CLIP1: variants seen among roughly 807,000 people sequenced by gnomAD.
CLIP1 encodes CAP-Gly domain containing linker protein 1.
A neutral mutation model predicts 161.6 loss-of-function variants in CLIP1; 66 were observed. The observed-to-expected ratio is 0.41, with a 90% CI of 0.33 to 0.50. CLIP1 has a LOEUF of 0.50. Ranked by LOEUF, CLIP1 falls within the 20% of genes least tolerant of loss-of-function variation. The pLI is 0.27. For synonymous variants in CLIP1, 598 were observed against 626.2 expected (o/e 0.96, Z 0.67); for missense variants, 1,376 against 1,702.0 (o/e 0.81, Z 3.37).
chr12:122,388,457 G>T (rs1213612941), intron 1 of CLIP1, among the ~76,000 whole-genome samples: 2 of 152,176 alleles, frequency 1.3e-5, no homozygotes, highest in African/African-American at 4.8e-5. Flanking sequence ...CTGACCTCAT[G>T]ATCTGCCTGC....
At chr12:122,376,505 C>T (rs1954740795) in intron 3 of CLIP1, among the ~76,000 whole-genome samples, 1 of 151,996 alleles carries the variant, frequency 6.6e-6, no homozygotes, top group Admixed American at 6.6e-5. Flanking sequence ...CTCGCTCTGT[C>T]TCCTAGGCTG....
Position 122,279,896 on chromosome 12 carries a change from C to T in CLIP1, c.3648-751G>A, listed in dbSNP as rs1483909085. The T allele has an allele frequency of 6.6e-6, 1 of 152,094 alleles. No homozygotes were observed. The highest frequency in any genetic ancestry group is 1.5e-5 in the Non-Finnish European group (1 of 68,056). The allele number at this position is 152,094 out of a possible 1,614,324, so 9.4% of individuals were successfully genotyped here. A position where few individuals can be genotyped will look rare whatever the true frequency, so the allele number is the denominator to read the frequency against. ...CGCCTGGTTTATGTTCTCGGCCTGA[C>T]TCAGCACTTGGTTATCAGCAGAGGG... On this transcript the variant is annotated intron_variant, in intron 21 of 25. Transcript: ENST00000620786. This position sits in a 1 kb window ranked among gnomAD's most constrained non-coding sequence, Gnocchi z 4.5.
chr12:122,410,679 G>A (rs534088194), intron 1 of CLIP1, among the ~76,000 whole-genome samples: 9 of 151,922 alleles, frequency 5.9e-5, no homozygotes, highest in East Asian at 1.9e-4. Context: ...GGCTGGTCTC[G>A]AACTCCTGAC....
intron 1 of CLIP1, among the ~76,000 whole-genome samples, chr12:122,393,365 T>C (rs1486850015): frequency 1.3e-5 from 2 of 151,298 alleles, no homozygotes; most frequent in African/African-American, 2.4e-5. Flanking sequence ...TTTCACCATA[T>C]TGGCCAGGAG....
At chr12:122,315,881 T>C (rs1188932562) in intron 19 of CLIP1, among the ~76,000 whole-genome samples, 1 of 151,938 alleles carries the variant, frequency 6.6e-6, no homozygotes, top group African/African-American at 2.4e-5. Context: ...GACTTCGTGC[T>C]CCACCCACCT....
intron 17 of CLIP1, among the ~76,000 whole-genome samples, chr12:122,325,722 C>G (rs1416574969): frequency 1.3e-5 from 2 of 152,168 alleles, no homozygotes; most frequent in East Asian, 3.8e-4. Context: ...GGCACCATCT[C>G]AGCTCACTGC....
chr12:122,302,890 C>T (rs1226286091), intron 20 of CLIP1, among the ~76,000 whole-genome samples: 1 of 152,120 alleles, frequency 6.6e-6, no homozygotes, highest in Non-Finnish European at 1.5e-5. Context: ...AGCCACCGTG[C>T]CCAGCCTAAA....
intron 1 of CLIP1, among the ~76,000 whole-genome samples, chr12:122,394,702 A>T (rs1955834473): frequency 6.6e-6 from 1 of 151,444 alleles, no homozygotes; most frequent in Non-Finnish European, 1.5e-5. Flanking sequence ...CCTGGCCAAC[A>T]TGGTGGAACC....
chr12:122,419,991 C>T (rs929579691), intron 1 of CLIP1, among the ~76,000 whole-genome samples: 1 of 148,426 alleles, frequency 6.7e-6, no homozygotes, highest in African/African-American at 2.5e-5. Flanking sequence ...CCTTATGAGT[C>T]ACATGGGATG....
Position 122,361,157 on chromosome 12 carries a change from A to G in CLIP1, c.807T>C (p.Tyr269=), listed in dbSNP as rs776238449. 5.6e-6 allele frequency: 9 copies of G among 1,613,800 alleles called. No homozygotes were observed. The South Asian group carries it at 7.7e-5, about 14-fold the overall frequency. The stretch of plus-strand genomic sequence containing the variant: ...CTTTGTGGACAGGAGCGAACAAGCC[A>G]TATTTGGGTTGACACTGAAAATACC... ...GTRYFQCQPK[Y]GLFAPVHKVT... is the part of the protein sequence containing the mutation. Residue 269 remains tyrosine (Y), a synonymous_variant, in exon 5 of 26, where the codon TAT becomes TAC. Transcript: ENST00000620786.
At chr12:122,288,815 T>G (rs1354412058) in intron 20 of CLIP1, among the ~76,000 whole-genome samples, 1 of 88,952 alleles carries the variant, frequency 1.1e-5, no homozygotes, top group African/African-American at 2.9e-5. Context: ...CATCTTTTTT[T>G]TTTTTTTTTT....
At chr12:122,365,791 C>A (rs966763650) in intron 3 of CLIP1, among the ~76,000 whole-genome samples, 1 of 151,310 alleles carries the variant, frequency 6.6e-6, no homozygotes, top group Admixed American at 6.6e-5. Context: ...GAGAACTGCT[C>A]GAGCCCAGGA....
intron 19 of CLIP1, among the ~76,000 whole-genome samples, chr12:122,312,819 C>T (rs898857304): frequency 6.6e-5 from 10 of 152,120 alleles, no homozygotes; most frequent in Non-Finnish European, 1.3e-4. Flanking sequence ...CCAGGAACCA[C>T]AGTCCTATTA....
At chr12:122,336,258 T>A (rs1460417783) in intron 12 of CLIP1, among the ~76,000 whole-genome samples, 1 of 152,100 alleles carries the variant, frequency 6.6e-6, no homozygotes, top group Admixed American at 6.5e-5. Context: ...GCCCTGATAA[T>A]CACAGTTTAG....
At chr12:122,374,768 T>TA (rs1024825907) in intron 3 of CLIP1, among the ~76,000 whole-genome samples, 10 of 149,550 alleles carry the variant, frequency 6.7e-5, no homozygotes, top group East Asian at 3.9e-4. Context: ...TCTCCAAAAA[T>TA]AAAAAAAAAG....
chr12:122,279,267 G>T lies in CLIP1; in HGVS notation c.3648-122C>A. 1 of 644,240 alleles carries T rather than the reference G, an allele frequency of 1.6e-6. No homozygotes were observed. The highest frequency in any genetic ancestry group is 2.5e-6 in the Non-Finnish European group (1 of 395,978). The allele number at this position is 644,240 out of a possible 1,614,324, so 39.9% of individuals were successfully genotyped here. A position where few individuals can be genotyped will look rare whatever the true frequency, so the allele number is the denominator to read the frequency against. On this transcript the variant is annotated intron_variant, in intron 21 of 25. Transcript: ENST00000620786. This position sits in a 1 kb window ranked among gnomAD's most constrained non-coding sequence, Gnocchi z 4.5. ...GTAAAAAAAAAAATATAACAGGGAA[G>T]TTTTATAGGGAGTTAAGGCCATTAT...
intron 15 of CLIP1, among the ~76,000 whole-genome samples, chr12:122,329,991 C>G (rs1003577654): frequency 6.6e-6 from 1 of 152,034 alleles, no homozygotes; most frequent in Non-Finnish European, 1.5e-5. Context: ...GTGGCGCATG[C>G]CTGTAATCCC....
chr12:122,325,727 C>T (rs1467786384), intron 17 of CLIP1, among the ~76,000 whole-genome samples: 1 of 152,178 alleles, frequency 6.6e-6, no homozygotes, highest in Non-Finnish European at 1.5e-5. Flanking sequence ...CATCTCAGCT[C>T]ACTGCAGCCT....
chr12:122,389,758 C>CAAAAAAAAAAAAAAAAAA (rs57168188), intron 1 of CLIP1, among the ~76,000 whole-genome samples: 8 of 69,304 alleles, frequency 1.2e-4, no homozygotes, highest in Non-Finnish European at 1.8e-4. Flanking sequence ...GATCCTGTCT[C>CAAAAAAAAAAAAAAAAAA]AAAAAAAAAA....
Sources: gnomAD v4.1 joint callset for allele counts (sites outside exome capture counted in the v4.1 genomes callset) on GRCh38, gnomAD v4.1.1 for gene constraint, Gnocchi (gnomAD v3.1) non-coding constraint, MANE v1.5 for transcripts, NCBI Gene and HGNC (gene_info 2026-07-23, HGNC 2026-07-21) for gene names.